The following MICALL2 variants were observed in gnomAD, a reference collection of about 807,000 sequenced individuals.
The protein encoded by MICALL2 is MICAL-like protein 2.
Under a neutral mutation model 91.1 loss-of-function variants are expected in MICALL2, and 111 were observed. The observed-to-expected ratio is 1.22, with a 90% confidence interval of 1.04 to 1.43. MICALL2 has a LOEUF of 1.43. Ranked by LOEUF, MICALL2 falls within the 40% of genes most tolerant of loss-of-function variation. The probability of loss-of-function intolerance (pLI) is 0.00; values close to 1 mark genes in which losing one functional copy is unlikely to be tolerated. For synonymous variants in MICALL2, 694 were observed against 525.3 expected, an observed-to-expected ratio of 1.32 and a Z score of -4.39; for missense variants, 1,556 against 1,236.0, an observed-to-expected ratio of 1.26 and a Z score of -3.88.
chr7:1,444,392 C>A (rs1780459621), intron 6 of MICALL2, among the ~76,000 whole-genome samples: 1 of 152,152 alleles, frequency 6.6e-6, no homozygotes, highest in African/African-American at 2.4e-5. Context: ...AGCGGCAGCG[C>A]CACCGCACCC....
rs906789474 is a variant in MICALL2 at position 1,459,282 on chromosome 7, G to A, written c.45C>T (p.Cys15=). The change falls in exon 1 of 17, where the codon TGC becomes TGT. Residue 15 remains cysteine (C), a synonymous_variant. Transcript: ENST00000297508. ...AGATATTCACGTCGCGGTAGCCCTC[G>A]CACTGCTGCCGGCACCACTGTTGCA... The part of the protein sequence containing the change: ...RALQQWCRQQ[C]EGYRDVNICN... 3 of 1,604,656 alleles carry A rather than the reference G, an allele frequency of 1.9e-6. No individual in the cohort carries two copies. The highest frequency in any genetic ancestry group is 1.7e-5 in the Admixed American group (1 of 59,216).
intron 5 of MICALL2, 75 bp downstream of exon 5, chr7:1,446,638 G>A: frequency 9.2e-7 from 1 of 1,083,342 alleles, no homozygotes; most frequent in Non-Finnish European, 1.4e-6. Context: ...GGCCGGGTGG[G>A]AGGCGATGGG....
intron 9 of MICALL2, chr7:1,439,436 A>ACATGCATCACACAGATGTACC: frequency 4.9e-6 from 1 of 205,816 alleles, no homozygotes; most frequent in Non-Finnish European, 9.7e-6. Context: ...ACAGATGTAC[A>ACATGCATCACACAGATGTACC]CATGGACACA....
chr7:1,440,759 T>A, intron 7 of MICALL2, 75 bp from the exon 8 acceptor site: 1 of 1,251,894 alleles, frequency 8.0e-7, no homozygotes, highest in Non-Finnish European at 1.1e-6. Flanking sequence ...TGGCTGTGCC[T>A]CCCCCTGCCA....
chr7:1,436,808 T>C lies in MICALL2; in HGVS notation c.2525A>G (p.Glu842Gly), dbSNP rs1268473964. 6.2e-7 allele frequency: 1 copy of C among 1,606,708 alleles called. No homozygotes were observed. The highest frequency in any genetic ancestry group is 8.5e-7 in the Non-Finnish European group (1 of 1,177,870). Reference sequence around the variant, plus strand: ...GTCGTTCACGGTGCTCACGTACTGCTCCAGCAGCTCCTGCTCCCGCCGCCG... The same window carrying C: ...GTCGTTCACGGTGCTCACGTACTGCCCCAGCAGCTCCTGCTCCCGCCGCCG... ...QERRREQELL[E>G]QYVSTVNDRS... Residue 842 changes from glutamate to glycine, a missense_variant, in exon 15 of 17, where the codon GAG becomes GGG. Coordinates refer to ENST00000297508, the MANE Select transcript of MICALL2 (RefSeq NM_182924.4).
intron 1 of MICALL2, among the ~76,000 whole-genome samples, chr7:1,456,024 G>A (rs1450210179): frequency 1.3e-5 from 2 of 151,890 alleles, no homozygotes; most frequent in Non-Finnish European, 2.9e-5. Context: ...AGGGCTGCAT[G>A]AGGAGACCTC....
rs1459756517 is a variant in MICALL2, at chr7:1,444,799, G to A, written c.1271C>T (p.Ser424Leu). The change falls in exon 6 of 17, where the codon TCA becomes TTA. Residue 424 changes from serine (S) to leucine (L), a missense_variant. Ser to Leu is a moderately radical substitution (Grantham distance 145). Coordinates refer to ENST00000297508, the MANE Select transcript of MICALL2 (RefSeq NM_182924.4). ...AAGGCTGGTGCCGGGGGGCACTGCTGATGTTTGGAAAAACTTATTCCGGGC... is the reference window on the plus strand; with the variant it reads ...AAGGCTGGTGCCGGGGGGCACTGCTAATGTTTGGAAAAACTTATTCCGGGC... ...QQARNKFFQT[S>L]AVPPGTSLSG... The A allele has an allele frequency of 6.2e-7, 1 of 1,611,388 alleles. No individual in the cohort carries two copies.
At chr7:1,440,456 G>T in intron 8 of MICALL2, 135 bp downstream of exon 8, 1 of 793,378 alleles carries the variant, frequency 1.3e-6, no homozygotes, top group Non-Finnish European at 2.1e-6. Flanking sequence ...AGGCAGGGGT[G>T]ACCTGGCCTC....
At chr7:1,437,707 C>A in intron 13 of MICALL2, 99 bp from the exon 14 acceptor site, 1 of 1,356,522 alleles carries the variant, frequency 7.4e-7, no homozygotes, top group Admixed American at 2.0e-5. Flanking sequence ...CACACAGACA[C>A]GAGTCTGAGG....
rs1470070512 is a variant in MICALL2 at position 1,451,702 on chromosome 7, C to T, written c.144-1414G>A. On this transcript the variant is annotated intron_variant, in intron 1 of 16. Coordinates refer to ENST00000297508, the MANE Select transcript of MICALL2 (RefSeq NM_182924.4). The surrounding 1 kb of genome is among the most constrained non-coding windows in gnomAD (Gnocchi z 4.5). ...CCCCGGCCAGCCTCGGTCTCAGGGC[C>T]TCAGTCTCCCTGTCTGGGAGGACAA... Among the ~76,000 whole-genome samples, 1 of 152,246 alleles carries T rather than the reference C, an allele frequency of 6.6e-6. No homozygotes were observed. The highest frequency in any genetic ancestry group is 2.4e-5 in the African/African-American group (1 of 41,476).
At chr7:1,442,613 A>G (rs1780356423) in intron 6 of MICALL2, 129 bp from the exon 7 acceptor site, 2 of 818,734 alleles carry the variant, frequency 2.4e-6, no homozygotes, top group South Asian at 1.9e-5. Flanking sequence ...TCCCACCATC[A>G]CCCCAGGCCA....
At chr7:1,449,097 G>C (rs1780723990) in intron 2 of MICALL2, among the ~76,000 whole-genome samples, 1 of 152,234 alleles carries the variant, frequency 6.6e-6, no homozygotes, top group Non-Finnish European at 1.5e-5. Context: ...TCCCTCCAGA[G>C]GCAGGGCTGA....
rs370994107 is a variant in MICALL2 at position 1,456,585 on chromosome 7, C to CAAATAAATAAAT, written c.143+2587_143+2598dup. Among the ~76,000 whole-genome samples the CAAATAAATAAAT allele has an allele frequency of 1.9e-3, 283 of 151,240 alleles. 1 individual carries two copies. Among genetic ancestry groups the CAAATAAATAAAT allele is most frequent in the South Asian group, 0.011 (52 of 4,762 alleles). On this transcript the variant is annotated intron_variant, in intron 1 of 16. Transcript: ENST00000297508. ...TGGGCGACAGAGCTAGACTCTGTCT[C>CAAATAAATAAAT]AAATAAATAAATAAATAAATAAATA...
At chr7:1,434,978 GAT>G in intron 16 of MICALL2, 121 bp downstream of exon 16, 3 of 713,496 alleles carry the variant, frequency 4.2e-6, no homozygotes, top group Non-Finnish European at 4.9e-6. Flanking sequence ...GGGGGGACCC[GAT>G]ACCCGCCCCC....
chr7:1,453,128 CCACT>C (rs1176723316), intron 1 of MICALL2, among the ~76,000 whole-genome samples: 1 of 151,990 alleles, frequency 6.6e-6, no homozygotes, highest in Non-Finnish European at 1.5e-5. Context: ...GGTGGAGACC[CCACT>C]CGTGTCTCCA....
Position 1,453,970 on chromosome 7 carries a change from G to A in MICALL2, c.144-3682C>T, listed in dbSNP as rs77592334. On this transcript the variant is annotated intron_variant, in intron 1 of 16. Coordinates refer to ENST00000297508, the MANE Select transcript of MICALL2 (RefSeq NM_182924.4). ...GATTTGCCCTGGCCAACTCTCCACCGTGCGTGCCCCTGCCCGGCCACACCT... is the reference window on the plus strand; with the variant it reads ...GATTTGCCCTGGCCAACTCTCCACCATGCGTGCCCCTGCCCGGCCACACCT... Among the ~76,000 whole-genome samples, 590 of 152,252 alleles carry A rather than the reference G, an allele frequency of 3.9e-3. 3 individuals carry two copies. Among genetic ancestry groups the A allele is most frequent in the African/African-American group, 0.013 (539 of 41,534 alleles).
intron 10 of MICALL2, 73 bp from the exon 11 acceptor site, chr7:1,438,426 G>A (rs1780092970): frequency 7.1e-6 from 11 of 1,544,044 alleles, no homozygotes; most frequent in African/African-American, 4.1e-5. Context: ...CAGCTTGGAA[G>A]GAGCCTGACC....
Position 1,439,558 on chromosome 7 carries a change from A to T in MICALL2, c.1966+367T>A, listed in dbSNP as rs552100414. Reference sequence around the variant, plus strand: ...ATGGACACGCATCACACATGTACACATGCATCACACGCATGAACACTGATG... The same window carrying T: ...ATGGACACGCATCACACATGTACACTTGCATCACACGCATGAACACTGATG... On this transcript the variant is annotated intron_variant, in intron 9 of 16. Coordinates refer to ENST00000297508, the MANE Select transcript of MICALL2 (RefSeq NM_182924.4). 8.8e-5 allele frequency: 20 copies of T among 226,394 alleles called. No homozygotes were observed. The Admixed American group carries it at 1.0e-3, about 12-fold the overall frequency. The allele number at this position is 226,394 out of a possible 1,614,324, so 14.0% of individuals were successfully genotyped here.
Position 1,436,031 on chromosome 7 carries a change from C to T in MICALL2, c.2591+711G>A, listed in dbSNP as rs376606733. ...TGCGGCCACTGCACTCCAGCCTGGG[C>T]GACAGAGCAAGACTCTGTCTCAAAA... On this transcript the variant is annotated intron_variant, in intron 15 of 16. Coordinates refer to ENST00000297508, the MANE Select transcript of MICALL2 (RefSeq NM_182924.4). Among the ~76,000 whole-genome samples the T allele has an allele frequency of 4.6e-3, 684 of 148,536 alleles. 2 individuals are homozygous for T. Among genetic ancestry groups the T allele is most frequent in the African/African-American group, 0.016 (643 of 39,678 alleles).
Sources: allele counts gnomAD v4.1 joint callset (sites outside exome capture counted in the v4.1 genomes callset), GRCh38; gene constraint gnomAD v4.1.1; non-coding constraint Gnocchi (gnomAD v3.1); transcripts MANE v1.5; gene names NCBI Gene and HGNC (gene_info 2026-07-23, HGNC 2026-07-21).